Variants in ZFHX3 observed in about 807,000 individuals in gnomAD.
ZFHX3 encodes the protein zinc finger homeobox 3.
ZFHX3 carries 42 observed loss-of-function variants against 279.1 expected under a neutral mutation model. The ratio of observed to expected loss-of-function variants is 0.15; its 90% confidence interval spans 0.12 to 0.19. The LOEUF (loss-of-function observed/expected upper bound fraction) is 0.19, where lower values mean the gene tolerates loss of function less well. Among genes scored for constraint, ZFHX3 ranks in the 10% least tolerant of loss-of-function variants. The pLI, the probability that ZFHX3 is intolerant of heterozygous loss-of-function variation, is 1.00. For synonymous variants in ZFHX3, 2,293 were observed against 1,957.8 expected, an observed-to-expected ratio of 1.17 and a Z score of -4.52; for missense variants, 4,981 against 4,754.0, an observed-to-expected ratio of 1.05 and a Z score of -1.40.
At position 72,914,743 on chromosome 16, in the gene ZFHX3, G is replaced by C. The variant is rs143328184; in HGVS notation, c.3217-24781C>G. Among the ~76,000 whole-genome samples the C allele has an allele frequency of 9.9e-3, 1,513 of 152,250 alleles. 42 individuals are homozygous for C. Among genetic ancestry groups the C allele is most frequent in the East Asian group, 0.037 (192 of 5,178 alleles). ...GCGGTGGCTCATGCCTATAATCCCA[G>C]CACTTTGGGGGCTGAGGCAGGCAGG... On this transcript the variant is annotated intron_variant, in intron 3 of 9. Transcript: ENST00000268489.
At chr16:73,592,463 T>C (rs1194402248) in intron 2 of ZFHX3, among the ~76,000 whole-genome samples, 1 of 152,170 alleles carries the variant, frequency 6.6e-6, no homozygotes, top group African/African-American at 2.4e-5. Flanking sequence ...TACTTTTATA[T>C]ATATTTATAA....
intron 5 of ZFHX3, among the ~76,000 whole-genome samples, chr16:73,224,425 A>G (rs2012525640): frequency 6.6e-6 from 1 of 152,190 alleles, no homozygotes; most frequent in African/African-American, 2.4e-5. Context: ...CAGCTACCAT[A>G]TTATGTGGTT....
At chr16:73,654,295 A>G (rs2052701047) in intron 2 of ZFHX3, among the ~76,000 whole-genome samples, 1 of 152,188 alleles carries the variant, frequency 6.6e-6, no homozygotes, top group Non-Finnish European at 1.5e-5. Flanking sequence ...TTAGTAGTCT[A>G]ATAACTATTG....
chr16:73,620,865 A>G (rs1192635843), intron 2 of ZFHX3, among the ~76,000 whole-genome samples: 3 of 152,200 alleles, frequency 2.0e-5, no homozygotes, highest in Non-Finnish European at 2.9e-5. Flanking sequence ...TGAGCAGAAG[A>G]GAAAAGGACC....
intron 2 of ZFHX3, among the ~76,000 whole-genome samples, chr16:73,583,618 T>C (rs1385729422): frequency 6.6e-6 from 1 of 152,240 alleles, no homozygotes; most frequent in East Asian, 1.9e-4. Context: ...AAATAAGTTC[T>C]ACTTGTATAG....
At chr16:72,855,721 A>G (rs1168155370) in intron 4 of ZFHX3, among the ~76,000 whole-genome samples, 2 of 152,220 alleles carry the variant, frequency 1.3e-5, no homozygotes, top group Non-Finnish European at 2.9e-5. Flanking sequence ...CTCGCGCCAG[A>G]GAAACGCAGG....
chr16:72,854,863 G>A (rs1188694079), intron 4 of ZFHX3, among the ~76,000 whole-genome samples: 1 of 130,778 alleles, frequency 7.6e-6, no homozygotes, highest in Non-Finnish European at 1.5e-5. Context: ...CAATGCGGCT[G>A]GCATAATTAG....
At chr16:73,333,030 T>C (rs1312883987) in intron 3 of ZFHX3, among the ~76,000 whole-genome samples, 1 of 152,198 alleles carries the variant, frequency 6.6e-6, no homozygotes, top group African/African-American at 2.4e-5. Context: ...CATCTCTCTG[T>C]CTTCCCCCTT....
chr16:73,028,339 C>T (rs1236647841), intron 1 of ZFHX3, among the ~76,000 whole-genome samples: 3 of 152,160 alleles, frequency 2.0e-5, no homozygotes, highest in East Asian at 1.9e-4. Flanking sequence ...ATCAAGGTGC[C>T]GGACAGTTGT....
At chr16:72,826,481 G>C (rs1567535469) in intron 5 of ZFHX3, among the ~76,000 whole-genome samples, 1 of 152,154 alleles carries the variant, frequency 6.6e-6, no homozygotes, top group Non-Finnish European at 1.5e-5. Flanking sequence ...TTTAGGGAGA[G>C]AATAGAACAA....
At chr16:73,775,553 G>T (rs72803148) in intron 1 of ZFHX3, among the ~76,000 whole-genome samples, 6,634 of 152,106 alleles carry the variant, frequency 0.044, 238 homozygotes, top group African/African-American at 0.085. Flanking sequence ...TGGTTTGGCC[G>T]TGTGCTGAGC....
chr16:73,167,117 T>C (rs917603127), intron 5 of ZFHX3, among the ~76,000 whole-genome samples: 2 of 152,238 alleles, frequency 1.3e-5, no homozygotes, highest in African/African-American at 4.8e-5. Flanking sequence ...GTTGGATGGT[T>C]AATGTTTTGT....
At chr16:73,177,711 T>G (rs1967695758) in intron 5 of ZFHX3, among the ~76,000 whole-genome samples, 1 of 152,242 alleles carries the variant, frequency 6.6e-6, no homozygotes, top group African/African-American at 2.4e-5. Flanking sequence ...CAATTCCTAT[T>G]TAACTGAACA....
intron 1 of ZFHX3, among the ~76,000 whole-genome samples, chr16:73,765,117 C>G (rs1056477287): frequency 6.6e-6 from 1 of 152,084 alleles, no homozygotes; most frequent in Non-Finnish European, 1.5e-5. Flanking sequence ...CTTCATTTCC[C>G]TTAAATCCTA....
rs58052486 is a variant in ZFHX3, at chr16:73,134,331, CTTTTTT to C, written c.-1023-3243_-1023-3238del. 1.4e-3 allele frequency among the ~76,000 whole-genome samples: 70 copies of C among 50,310 alleles called. 1 individual carries two copies. Among genetic ancestry groups the C allele is most frequent in the Non-Finnish European group, 2.0e-3 (60 of 30,618 alleles). The allele number at this position is 50,310 out of a possible 152,430, so 33.0% of individuals were successfully genotyped here. ...ACCTTCCGTGTTAGTCTCCCCACCT[CTTTTTT>C]TTTTTTTTTTTTTTTTTTTTTTTTA... On this transcript the variant is annotated intron_variant, in intron 6 of 17. Coordinates refer to the ZFHX3 transcript ENST00000641206.
intron 3 of ZFHX3, among the ~76,000 whole-genome samples, chr16:73,350,470 C>T (rs750675501): frequency 2.0e-5 from 3 of 152,180 alleles, no homozygotes; most frequent in Admixed American, 6.5e-5. Context: ...TCCGGCCATA[C>T]GTCTTTCCTG....
chr16:73,529,913 C>G (rs1242781924), intron 2 of ZFHX3, among the ~76,000 whole-genome samples: 1 of 139,778 alleles, frequency 7.2e-6, no homozygotes, highest in Non-Finnish European at 1.5e-5. Flanking sequence ...GTGCAAAATT[C>G]AGCTCTATGA....
chr16:73,685,510 G>A (rs563331080), intron 1 of ZFHX3, among the ~76,000 whole-genome samples: 6 of 152,180 alleles, frequency 3.9e-5, no homozygotes, highest in Admixed American at 6.5e-5. Flanking sequence ...AAGGATCACA[G>A]CCCTGCCAAC....
At chr16:72,937,883 T>TA (rs945209645) in intron 3 of ZFHX3, among the ~76,000 whole-genome samples, 14 of 152,226 alleles carry the variant, frequency 9.2e-5, no homozygotes, top group African/African-American at 3.4e-4. Flanking sequence ...CCTCCACTTG[T>TA]AAAACAACAC....
Sources: allele counts gnomAD v4.1 joint callset (sites outside exome capture counted in the v4.1 genomes callset), GRCh38; gene constraint gnomAD v4.1.1; transcripts MANE v1.5; gene names NCBI Gene and HGNC (gene_info 2026-07-23, HGNC 2026-07-21).